MEIS1: variants seen among roughly 807,000 people sequenced by gnomAD.
MEIS1 encodes homeobox protein Meis1.
A neutral mutation model predicts 50.8 loss-of-function variants in MEIS1; 5 were observed. That is an observed-to-expected ratio of 0.10 (90% CI 0.05 to 0.21). MEIS1 has a LOEUF of 0.21. Ranked by LOEUF, MEIS1 falls within the 10% of genes least tolerant of loss-of-function variation. The pLI is 1.00. For missense variants in MEIS1, 318 were observed against 517.3 expected, an observed-to-expected ratio of 0.61 and a Z score of 3.74; for synonymous variants, 176 against 179.3, an observed-to-expected ratio of 0.98 and a Z score of 0.15.
At chr2:66,541,027 T>C (rs1351787592) in intron 8 of MEIS1, among the ~76,000 whole-genome samples, 3 of 151,576 alleles carry the variant, frequency 2.0e-5, no homozygotes, top group Non-Finnish European at 4.4e-5. Context: ...TTTTATTTTA[T>C]TTTATTATTT....
chr2:66,458,954 A>C (rs1054654980), intron 6 of MEIS1, among the ~76,000 whole-genome samples: 1 of 152,214 alleles, frequency 6.6e-6, no homozygotes, highest in Non-Finnish European at 1.5e-5. Context: ...TTTTCCTAGG[A>C]TGGAGGATAT....
intron 12 of MEIS1, 149 bp downstream of exon 12, chr2:66,569,294 G>A: frequency 1.5e-6 from 1 of 648,804 alleles, no homozygotes. Context: ...TTTCTTTTTG[G>A]TTGTGATCAA....
intron 9 of MEIS1, among the ~76,000 whole-genome samples, chr2:66,563,629 G>A (rs1675271125): frequency 6.6e-6 from 1 of 152,184 alleles, no homozygotes; most frequent in South Asian, 2.1e-4. Context: ...AAGCAGGGAG[G>A]ATGAGACACA....
chr2:66,439,775 T>C (rs1558518792), intron 2 of MEIS1, 68 bp from the exon 3 acceptor site: 81 of 1,607,130 alleles, frequency 5.0e-5, no homozygotes, highest in Non-Finnish European at 6.8e-5. Context: ...CTGTTTTTCT[T>C]GGGCACCTTT....
intron 7 of MEIS1, among the ~76,000 whole-genome samples, chr2:66,491,518 G>A (rs1673272303): frequency 6.6e-6 from 1 of 152,150 alleles, no homozygotes; most frequent in African/African-American, 2.4e-5. Context: ...CAATTTCAGA[G>A]GAAAGTGCAG....
chr2:66,568,600 C>A, intron 10 of MEIS1, 67 bp from the exon 11 acceptor site: 1 of 1,197,416 alleles, frequency 8.4e-7, no homozygotes, highest in South Asian at 1.2e-5. Flanking sequence ...TCCTCTTAGT[C>A]TCTCTTGGGC....
intron 6 of MEIS1, among the ~76,000 whole-genome samples, chr2:66,454,500 C>T (rs1044466971): frequency 6.6e-6 from 1 of 151,946 alleles, no homozygotes; most frequent in Non-Finnish European, 1.5e-5. Flanking sequence ...ACTTTTTCCC[C>T]ACATTTCTGA....
At position 66,573,498 on chromosome 2, in the gene MEIS1, C is replaced by G. The variant is rs1675518894; in HGVS notation, c.*2290C>G. The G allele has an allele frequency of 1.3e-5, 2 of 152,178 alleles. No homozygotes were observed. The highest frequency in any genetic ancestry group is 2.9e-5 in the Non-Finnish European group (2 of 68,024). 9.4% of individuals were successfully genotyped at this position (152,178 alleles called of 1,614,324 possible). ...GGCCCAAGTCACCCTATAAACCGGC[C>G]CTTAGCAATTCTATTTTCTATTCGA... On this transcript the variant is annotated 3_prime_UTR_variant, in exon 13 of 13. Coordinates refer to ENST00000272369, the MANE Select transcript of MEIS1 (RefSeq NM_002398.3).
intron 7 of MEIS1, among the ~76,000 whole-genome samples, chr2:66,503,008 AT>A (rs1673594048): frequency 6.6e-6 from 1 of 152,200 alleles, no homozygotes; most frequent in Non-Finnish European, 1.5e-5. Context: ...CAACTTATCA[AT>A]TCATGTCAGA....
At chr2:66,534,156 G>A (rs1451386693) in intron 8 of MEIS1, among the ~76,000 whole-genome samples, 1 of 143,622 alleles carries the variant, frequency 7.0e-6, no homozygotes, top group Non-Finnish European at 1.6e-5. Flanking sequence ...GATCTGAAAT[G>A]TTGATCAAAG....
chr2:66,472,732 G>A (rs1007303700), intron 7 of MEIS1, among the ~76,000 whole-genome samples: 1 of 152,094 alleles, frequency 6.6e-6, no homozygotes, highest in Non-Finnish European at 1.5e-5. Context: ...TAGACGTTCA[G>A]CATCTATGGG....
intron 7 of MEIS1, among the ~76,000 whole-genome samples, chr2:66,500,232 T>C (rs1430029368): frequency 6.6e-6 from 1 of 152,306 alleles, no homozygotes; most frequent in East Asian, 1.9e-4. Flanking sequence ...CTTGGCTGTA[T>C]GTTATAATCA....
intron 8 of MEIS1, among the ~76,000 whole-genome samples, chr2:66,532,997 G>A (rs771458728): frequency 2.3e-4 from 35 of 152,176 alleles, no homozygotes; most frequent in Admixed American, 5.9e-4. Flanking sequence ...TGATGAGCTC[G>A]TATTGTGACT....
chr2:66,440,857 C>G, intron 4 of MEIS1: 1 of 562,862 alleles, frequency 1.8e-6, no homozygotes, highest in African/African-American at 1.9e-5. Context: ...TTTATGACAG[C>G]CGGGCTGCGC....
chr2:66,524,720 T>C (rs1674207654), intron 8 of MEIS1, among the ~76,000 whole-genome samples: 1 of 152,176 alleles, frequency 6.6e-6, no homozygotes, highest in African/African-American at 2.4e-5. Flanking sequence ...ACAAGTATTT[T>C]ACACAAATAT....
At chr2:66,468,949 T>G (rs2103755602) in intron 7 of MEIS1, among the ~76,000 whole-genome samples, 1 of 152,306 alleles carries the variant, frequency 6.6e-6, no homozygotes, top group South Asian at 2.1e-4. Flanking sequence ...ATTCAAAGAC[T>G]TAGTGAATTA....
intron 7 of MEIS1, among the ~76,000 whole-genome samples, chr2:66,477,542 C>A (rs1439973818): frequency 1.3e-5 from 2 of 152,168 alleles, no homozygotes; most frequent in Admixed American, 1.3e-4. Flanking sequence ...AGAAATCCTG[C>A]TAATTCTCTC....
chr2:66,455,493 C>T (rs1339866631), intron 6 of MEIS1, among the ~76,000 whole-genome samples: 7 of 152,150 alleles, frequency 4.6e-5, no homozygotes. Flanking sequence ...CATCTGTAGA[C>T]CTCTGCTTAG....
At chr2:66,548,803 T>C (rs1674851722) in intron 9 of MEIS1, among the ~76,000 whole-genome samples, 1 of 152,242 alleles carries the variant, frequency 6.6e-6, no homozygotes, top group African/African-American at 2.4e-5. Flanking sequence ...TCTAATTAAT[T>C]GTCCTAATAT....
Sources: allele counts gnomAD v4.1 joint callset (sites outside exome capture counted in the v4.1 genomes callset), GRCh38; gene constraint gnomAD v4.1.1; transcripts MANE v1.5; gene names NCBI Gene and HGNC (gene_info 2026-07-23, HGNC 2026-07-21).